The following RBFOX3 variants were observed in gnomAD, a reference collection of about 807,000 sequenced individuals.
RBFOX3 encodes RNA binding fox-1 homolog 3.
Under a neutral mutation model 48.7 loss-of-function variants are expected in RBFOX3, and 17 were observed. That is an observed-to-expected ratio of 0.35 (90% CI 0.24 to 0.52). RBFOX3 has a LOEUF of 0.52. RBFOX3 is among the 20% of genes least tolerant of loss of function. RBFOX3 has a pLI of 0.94. For missense variants in RBFOX3, 382 were observed against 497.5 expected (o/e 0.77, Z 2.21); for synonymous variants, 212 against 209.5 (o/e 1.01, Z -0.10).
chr17:79,427,104 C>A (rs1258085364), intron 2 of RBFOX3, among the ~76,000 whole-genome samples: 1 of 152,192 alleles, frequency 6.6e-6, no homozygotes, highest in African/African-American at 2.4e-5. Context: ...CTCTCTACAT[C>A]CTCAGTTCTC....
Position 79,443,420 on chromosome 17 carries a change from C to T in RBFOX3, c.-175+39034G>A, listed in dbSNP as rs1313187178. ...TTCTTTTGAGACAGTCTTGCTCTGT[C>T]GCCCAGGCTGGAGTGCAGTGGCTCG... is the stretch of plus-strand genomic sequence containing the variant. On this transcript the variant is annotated intron_variant, in intron 2 of 14. Transcript: ENST00000693108. This position sits in a 1 kb window ranked among gnomAD's most constrained non-coding sequence, Gnocchi z 4.4. Among the ~76,000 whole-genome samples the T allele has an allele frequency of 2.0e-5, 3 of 152,120 alleles. No homozygotes were observed. Among genetic ancestry groups the T allele is most frequent in the African/African-American group, 2.4e-5 (1 of 41,424 alleles).
intron 3 of RBFOX3, among the ~76,000 whole-genome samples, chr17:79,245,921 C>A (rs1243492320): frequency 3.3e-5 from 5 of 152,034 alleles, no homozygotes; most frequent in African/African-American, 1.2e-4. Flanking sequence ...CCACCACGCC[C>A]AGCAGAACAT....
chr17:79,486,447 C>T (rs2079616789), intron 1 of RBFOX3, among the ~76,000 whole-genome samples: 1 of 152,148 alleles, frequency 6.6e-6, no homozygotes, highest in Non-Finnish European at 1.5e-5. Context: ...GGGGAAAAGC[C>T]CCTGCAGCCT....
At chr17:79,154,932 C>A (rs1304049523) in intron 4 of RBFOX3, among the ~76,000 whole-genome samples, 1 of 152,172 alleles carries the variant, frequency 6.6e-6, no homozygotes, top group African/African-American at 2.4e-5. Context: ...CGGGGTCCTG[C>A]GCCTCCCAGG....
Position 79,090,640 on chromosome 17 carries a change from G to A in RBFOX3, c.*243C>T. 1 of 525,342 alleles carries A rather than the reference G, an allele frequency of 1.9e-6. No homozygotes were observed. The highest frequency in any genetic ancestry group is 3.1e-5 in the East Asian group (1 of 32,000). The allele number at this position is 525,342 out of a possible 1,614,324, so 32.5% of individuals were successfully genotyped here. On this transcript the variant is annotated 3_prime_UTR_variant, in exon 15 of 15. Transcript: ENST00000693108. ...GGGGCGTGTTCCCACTGTGCTGCCA[G>A]CCAGGACGCGGTGGGGCCGTCCTGT... is the stretch of plus-strand genomic sequence containing the variant.
Position 79,299,692 on chromosome 17 carries a change from T to C in RBFOX3, c.-74+8032A>G, listed in dbSNP as rs8082640. Among the ~76,000 whole-genome samples, 80,141 of 151,926 alleles carry C rather than the reference T, an allele frequency of 0.53. 21,413 individuals are homozygous for C. The highest frequency in any genetic ancestry group is 0.67 in the Middle Eastern group (196 of 294). Reference sequence around the variant, plus strand: ...TATGGACTTTGAAGGGGTAATTTGGTTAAACTGAGTTAATTAGGGTGAGTC... The same window carrying C: ...TATGGACTTTGAAGGGGTAATTTGGCTAAACTGAGTTAATTAGGGTGAGTC... On this transcript the variant is annotated intron_variant, in intron 3 of 14. Coordinates refer to ENST00000693108, the MANE Select transcript of RBFOX3 (RefSeq NM_001350451.2). The surrounding 1 kb of genome is among the most constrained non-coding windows in gnomAD (Gnocchi z 4.5).
In RBFOX3 at chr17:79,298,026, T is replaced by G. The variant is rs551460854; in HGVS notation, c.-74+9698A>C. On this transcript the variant is annotated intron_variant, in intron 3 of 14. Transcript: ENST00000693108. ...CCATCAAGCAAATACGAAACACATT[T>G]GGGTTAAGTCATTGGACTCAGTAGC... Among the ~76,000 whole-genome samples, 6 of 152,316 alleles carry G rather than the reference T, an allele frequency of 3.9e-5. No individual in the cohort carries two copies. The South Asian group carries it at 1.2e-3, about 32-fold the overall frequency.
Position 79,227,652 on chromosome 17 carries a change from CTG to C in RBFOX3, c.-34+8112_-34+8113del, listed in dbSNP as rs200153450. The stretch of plus-strand genomic sequence containing the variant: ...TTACTCACTCTTCCATGGCTTATAA[CTG>C]GAGCACATGTGATGGCCAAGAGGCA... On this transcript the variant is annotated intron_variant, in intron 4 of 14. Coordinates refer to ENST00000693108, the MANE Select transcript of RBFOX3 (RefSeq NM_001350451.2). Among the ~76,000 whole-genome samples the C allele has an allele frequency of 9.5e-3, 1,446 of 152,290 alleles. 15 individuals are homozygous for C. Among genetic ancestry groups the C allele is most frequent in the African/African-American group, 0.029 (1,225 of 41,568 alleles).
chr17:79,090,921 C>CA, intron 14 of RBFOX3, 36 bp from the exon 15 acceptor site: 1 of 1,514,104 alleles, frequency 6.6e-7, no homozygotes. Context: ...CTTGCAGCTT[C>CA]TCGGGGGAGG....
chr17:79,350,678 C>T (rs563307950), intron 2 of RBFOX3, among the ~76,000 whole-genome samples: 1 of 152,346 alleles, frequency 6.6e-6, no homozygotes, highest in East Asian at 1.9e-4. Context: ...GCTCACATGC[C>T]AGCCGGTGTG....
At chr17:79,365,732 A>G (rs1467326680) in intron 2 of RBFOX3, among the ~76,000 whole-genome samples, 1 of 152,254 alleles carries the variant, frequency 6.6e-6, no homozygotes, top group Non-Finnish European at 1.5e-5. Flanking sequence ...GTTTTACCCC[A>G]TATTCTATGG....
chr17:79,270,537 T>G (rs1419957352), intron 3 of RBFOX3, among the ~76,000 whole-genome samples: 2 of 152,202 alleles, frequency 1.3e-5, no homozygotes, highest in African/African-American at 4.8e-5. Flanking sequence ...CCACCTCTCT[T>G]CTTTCCCTTT....
chr17:79,177,460 A>G (rs1334813894), intron 4 of RBFOX3, among the ~76,000 whole-genome samples: 1 of 152,148 alleles, frequency 6.6e-6, no homozygotes, highest in South Asian at 2.1e-4. Flanking sequence ...CATTCATTGC[A>G]TGGCTGCAGC....
At chr17:79,452,330 C>T (rs929883857) in intron 2 of RBFOX3, among the ~76,000 whole-genome samples, 8 of 152,128 alleles carry the variant, frequency 5.3e-5, no homozygotes, top group African/African-American at 1.7e-4. Flanking sequence ...TGCGGAGGAA[C>T]GCAGCAGTCA....
intron 4 of RBFOX3, among the ~76,000 whole-genome samples, chr17:79,164,236 C>T (rs562034442): frequency 6.6e-6 from 1 of 152,194 alleles, no homozygotes; most frequent in African/African-American, 2.4e-5. Context: ...GGCGGTAGCG[C>T]CTGGGCAGAA....
intron 3 of RBFOX3, among the ~76,000 whole-genome samples, chr17:79,306,773 G>T (rs986271517): frequency 4.6e-5 from 7 of 152,210 alleles, no homozygotes; most frequent in African/African-American, 1.7e-4. Context: ...TCCCGTGCCG[G>T]GTGTCCTCCT....
chr17:79,153,966 G>A (rs1486824246), intron 4 of RBFOX3, among the ~76,000 whole-genome samples: 1 of 152,136 alleles, frequency 6.6e-6, no homozygotes, highest in African/African-American at 2.4e-5. Context: ...GGCGGGCCCA[G>A]TCCGGCTCCC....
At chr17:79,384,110 G>A (rs559931814) in intron 2 of RBFOX3, among the ~76,000 whole-genome samples, 24 of 152,338 alleles carry the variant, frequency 1.6e-4, no homozygotes, top group African/African-American at 5.1e-4. Context: ...CACCTACAGC[G>A]GGCTCAGGGC....
At position 79,363,084 on chromosome 17, in the gene RBFOX3, C is replaced by T. The variant is rs541410223; in HGVS notation, c.-174-55260G>A. Among the ~76,000 whole-genome samples the T allele has an allele frequency of 5.9e-5, 9 of 152,276 alleles. No individual in the cohort carries two copies. The highest frequency in any genetic ancestry group is 1.9e-4 in the East Asian group (1 of 5,172). On this transcript the variant is annotated intron_variant, in intron 2 of 14. Transcript: ENST00000693108. This position sits in a 1 kb window ranked among gnomAD's most constrained non-coding sequence, Gnocchi z 4.7. ...TTCAGAGGCATGACGCTTGCACATG[C>T]GAGGTTTCTGGGCCATAGTGAGCCG...
Sources: allele counts gnomAD v4.1 joint callset (sites outside exome capture counted in the v4.1 genomes callset), GRCh38; gene constraint gnomAD v4.1.1; non-coding constraint Gnocchi (gnomAD v3.1); transcripts MANE v1.5; gene names NCBI Gene and HGNC (gene_info 2026-07-23, HGNC 2026-07-21).